The following NRG1 variants were observed in gnomAD, a reference collection of about 807,000 sequenced individuals.
NRG1 encodes the protein pro-neuregulin-1, membrane-bound isoform.
NRG1 carries 18 observed loss-of-function variants against 63.8 expected under a neutral mutation model. That is an observed-to-expected ratio of 0.28 (90% CI 0.19 to 0.42). The LOEUF is 0.42. NRG1 is among the 10% of genes least tolerant of loss of function. The pLI is 1.00. For synonymous variants in NRG1, 302 were observed against 301.3 expected (o/e 1.00, Z -0.02); for missense variants, 762 against 814.7 (o/e 0.94, Z 0.79).
At chr8:32,036,975 C>T (rs577918050) in intron 1 of NRG1, among the ~76,000 whole-genome samples, 18 of 152,148 alleles carry the variant, frequency 1.2e-4, no homozygotes, top group Non-Finnish European at 2.4e-4. Context: ...AGGGCCCTTA[C>T]TGGAGATATG....
intron 1 of NRG1, among the ~76,000 whole-genome samples, chr8:32,537,315 GTTCA>G (rs1832108681): frequency 6.6e-6 from 1 of 151,648 alleles, no homozygotes; most frequent in African/African-American, 2.4e-5. Flanking sequence ...AACTGAGTTG[GTTCA>G]TTGTCTTCCA....
In NRG1 at chr8:32,760,182, C is replaced by G. The variant is rs754097683; in HGVS notation, c.1053-18C>G. 6.2e-7 allele frequency: 1 copy of G among 1,613,510 alleles called. No individual in the cohort carries two copies. Among genetic ancestry groups the G allele is most frequent in the Non-Finnish European group, 8.5e-7 (1 of 1,179,700 alleles). ...TTTTGCACGAAATATCTGATTGTCT[C>G]TCCCATTTCCTCCGCAGCTGGAGCA... On this transcript the variant is annotated intron_variant, in intron 10 of 11. Coordinates refer to ENST00000356819, the Ensembl canonical transcript of NRG1.
At chr8:31,649,771 A>G (rs1198251747) in intron 1 of NRG1, among the ~76,000 whole-genome samples, 3 of 152,212 alleles carry the variant, frequency 2.0e-5, no homozygotes, top group Non-Finnish European at 2.9e-5. Context: ...GGTCATCATG[A>G]GAATATTGTA....
chr8:32,628,664 G>T (rs1242165329), intron 5 of NRG1, among the ~76,000 whole-genome samples: 1 of 151,250 alleles, frequency 6.6e-6, no homozygotes, highest in Non-Finnish European at 1.5e-5. Context: ...TGAAAAAAAT[G>T]AAGAAAAATG....
At chr8:32,295,285 A>G (rs1854707648) in intron 1 of NRG1, among the ~76,000 whole-genome samples, 1 of 152,164 alleles carries the variant, frequency 6.6e-6, no homozygotes. Context: ...ATGTCAGAAT[A>G]AAGGAAAATT....
intron 1 of NRG1, among the ~76,000 whole-genome samples, chr8:32,289,123 A>G (rs1223540973): frequency 3.9e-5 from 6 of 152,208 alleles, no homozygotes; most frequent in Non-Finnish European, 8.8e-5. Context: ...ACAAAAATTG[A>G]GTCTTTCTTA....
At chr8:32,558,637 C>G (rs1835679649) in intron 1 of NRG1, among the ~76,000 whole-genome samples, 1 of 152,120 alleles carries the variant, frequency 6.6e-6, no homozygotes, top group South Asian at 2.1e-4. Flanking sequence ...CCAAAGAAGA[C>G]CTGAGGCTCT....
chr8:32,188,783 G>A (rs903943403), intron 1 of NRG1, among the ~76,000 whole-genome samples: 1 of 151,962 alleles, frequency 6.6e-6, no homozygotes, highest in African/African-American at 2.4e-5. Context: ...GACACAGGAA[G>A]GGGAACATCA....
chr8:32,594,763 G>T (rs1229015639), intron 1 of NRG1, among the ~76,000 whole-genome samples: 1 of 150,386 alleles, frequency 6.6e-6, no homozygotes, highest in East Asian at 1.9e-4. Flanking sequence ...CACAGTCTCT[G>T]TTGAGACTAT....
In NRG1 at chr8:31,691,594, C is replaced by CAAAAAAAAAAAAA. The variant is rs71208138; in HGVS notation, c.37+52178_37+52190dup. On this transcript the variant is annotated intron_variant, in intron 1 of 10. Transcript: ENST00000519301. ...TGGGTGACAGAGTGAGACTCTGTCT[C>CAAAAAAAAAAAAA]AAAAAAAAAAAAAAAAAAAAAAAAA... Among the ~76,000 whole-genome samples the CAAAAAAAAAAAAA allele has an allele frequency of 4.3e-4, 15 of 34,994 alleles. 1 individual carries two copies. Among genetic ancestry groups the CAAAAAAAAAAAAA allele is most frequent in the Non-Finnish European group, 5.4e-4 (12 of 22,316 alleles). 23.0% of individuals were successfully genotyped at this position (34,994 alleles called of 152,430 possible). A position where few individuals can be genotyped will look rare whatever the true frequency, so the allele number is the denominator to read the frequency against.
intron 6 of NRG1, among the ~76,000 whole-genome samples, chr8:32,737,698 A>C (rs1413128523): frequency 8.1e-6 from 1 of 123,412 alleles, no homozygotes; most frequent in Non-Finnish European, 1.6e-5. Flanking sequence ...TTTTTTTGAG[A>C]TGGAGTCTCG....
chr8:32,622,392 T>TCTC (rs1848491308), intron 5 of NRG1, among the ~76,000 whole-genome samples: 1 of 150,292 alleles, frequency 6.7e-6, no homozygotes, highest in African/African-American at 2.5e-5. Context: ...CTCCTCTTCT[T>TCTC]TTCTGTTCTG....
At chr8:31,973,846 G>A (rs117726579) in intron 1 of NRG1, among the ~76,000 whole-genome samples, 1,553 of 152,250 alleles carry the variant, frequency 0.01, 25 homozygotes, top group South Asian at 0.074. Context: ...AAGATGCCCA[G>A]CATTTAAAGG....
At chr8:32,402,431 A>C (rs1813333378) in intron 1 of NRG1, among the ~76,000 whole-genome samples, 1 of 152,184 alleles carries the variant, frequency 6.6e-6, no homozygotes, top group African/African-American at 2.4e-5. Context: ...ATTTAAAAAA[A>C]AAACAATTCA....
chr8:32,142,534 C>A (rs2131742786), intron 1 of NRG1, among the ~76,000 whole-genome samples: 1 of 152,206 alleles, frequency 6.6e-6, no homozygotes, highest in South Asian at 2.1e-4. Context: ...ATTGTTTAGT[C>A]AGGAGAAATT....
intron 1 of NRG1, among the ~76,000 whole-genome samples, chr8:32,440,073 C>G (rs1051090761): frequency 7.9e-5 from 12 of 151,378 alleles, no homozygotes; most frequent in African/African-American, 2.9e-4. Flanking sequence ...TGGCGGAAGA[C>G]AAACAGGATG....
intron 1 of NRG1, among the ~76,000 whole-genome samples, chr8:32,041,443 G>A (rs1820021249): frequency 6.6e-6 from 1 of 152,290 alleles, no homozygotes; most frequent in Non-Finnish European, 1.5e-5. Flanking sequence ...GTGAATTGTA[G>A]CAGACGGACT....
At chr8:31,670,375 C>T (rs181591535) in intron 1 of NRG1, among the ~76,000 whole-genome samples, 1 of 152,262 alleles carries the variant, frequency 6.6e-6, no homozygotes, top group Admixed American at 6.5e-5. Context: ...GTTTTACACT[C>T]TCCCAACCTG....
intron 1 of NRG1, among the ~76,000 whole-genome samples, chr8:31,652,646 T>C (rs1001678326): frequency 1.3e-5 from 2 of 152,206 alleles, no homozygotes; most frequent in Non-Finnish European, 2.9e-5. Flanking sequence ...CTGTTTGTTG[T>C]ACTGTCACTA....
Sources: allele counts gnomAD v4.1 joint callset (sites outside exome capture counted in the v4.1 genomes callset), GRCh38; gene constraint gnomAD v4.1.1; transcripts MANE v1.5; gene names NCBI Gene and HGNC (gene_info 2026-07-23, HGNC 2026-07-21).